Variants in PPP6R2 observed in about 807,000 individuals in gnomAD.
PPP6R2 encodes the protein serine/threonine-protein phosphatase 6 regulatory subunit 2.
A neutral mutation model predicts 100.2 loss-of-function variants in PPP6R2; 62 were observed. The observed-to-expected ratio is 0.62, with a 90% CI of 0.50 to 0.76. The LOEUF is 0.76. Ranked by LOEUF, PPP6R2 falls within the 30% of genes least tolerant of loss-of-function variation. PPP6R2 has a pLI of 0.00. For synonymous variants in PPP6R2, 525 were observed against 514.7 expected (o/e 1.02, Z -0.27); for missense variants, 1,142 against 1,276.3 (o/e 0.89, Z 1.60).
chr22:50,419,262 G>A (rs564299798), intron 7 of PPP6R2, 87 bp from the exon 8 acceptor site: 6 of 1,183,100 alleles, frequency 5.1e-6, no homozygotes, highest in Middle Eastern at 1.9e-4. Flanking sequence ...TTTTGCTGGG[G>A]TCCTCCACGG....
At chr22:50,422,414 G>A (rs376846744) in intron 9 of PPP6R2, 34 bp downstream of exon 9, 25 of 1,610,322 alleles carry the variant, frequency 1.6e-5, no homozygotes, top group Non-Finnish European at 2.0e-5. Flanking sequence ...AGTGCCTTTG[G>A]AGGCGTCGCA....
At position 50,439,774 on chromosome 22, in the gene PPP6R2, G is replaced by C; in HGVS notation, c.2202G>C (p.Val734=). The C allele has an allele frequency of 6.2e-7, 1 of 1,613,788 alleles. No individual in the cohort carries two copies. Among genetic ancestry groups the C allele is most frequent in the Non-Finnish European group, 8.5e-7 (1 of 1,179,932 alleles). The change falls in exon 20 of 24, where the codon GTG becomes GTC. Residue 734 remains valine, a synonymous_variant. Coordinates refer to ENST00000612753, the MANE Select transcript of PPP6R2 (RefSeq NM_001242898.2). ...CAGCCCCAGGAGTGGTGAGGGACGT[G>C]GGTTCCAGTGTGTGGGCAGCTGGCA... The part of the protein sequence containing the change: ...TPTAPGVVRD[V]GSSVWAAGTS...
chr22:50,387,686 C>T (rs1217698473), intron 2 of PPP6R2, among the ~76,000 whole-genome samples: 6 of 152,170 alleles, frequency 3.9e-5, no homozygotes, highest in African/African-American at 1.4e-4. Flanking sequence ...ACTCCCACCA[C>T]GTTGGAGTTG....
intron 7 of PPP6R2, among the ~76,000 whole-genome samples, 179 bp downstream of exon 7, chr22:50,419,158 A>G (rs1340755621): frequency 1.3e-5 from 2 of 152,330 alleles, no homozygotes; most frequent in South Asian, 4.1e-4. Context: ...GGGTCTCCAG[A>G]GGAGTCACCT....
At chr22:50,413,282 A>T (rs2060031183) in intron 4 of PPP6R2, among the ~76,000 whole-genome samples, 1 of 152,124 alleles carries the variant, frequency 6.6e-6, no homozygotes. Flanking sequence ...TTTTTTTTCA[A>T]GGAAATTTCT....
At chr22:50,442,376 C>A (rs1306402339) in intron 22 of PPP6R2, among the ~76,000 whole-genome samples, 2 of 152,216 alleles carry the variant, frequency 1.3e-5, no homozygotes, top group Admixed American at 1.3e-4. Flanking sequence ...CCTTGTTTGG[C>A]CACCCTGTCT....
intron 1 of PPP6R2, among the ~76,000 whole-genome samples, chr22:50,351,795 A>G (rs1281486160): frequency 1.3e-5 from 2 of 150,106 alleles, no homozygotes; most frequent in Non-Finnish European, 3.0e-5. Flanking sequence ...CGCCATACCC[A>G]GCTAATTTTT....
chr22:50,354,987 G>GT, intron 1 of PPP6R2, among the ~76,000 whole-genome samples: 1 of 151,180 alleles, frequency 6.6e-6, no homozygotes, highest in South Asian at 2.1e-4. Flanking sequence ...GAGACTACAG[G>GT]TGCCTGCCAC....
the PPP6R2 span, among the ~76,000 whole-genome samples, chr22:50,337,939 TGTGTGTGTGATGTGTGTGGTGTGTGTGG>T: frequency 4.1e-5 from 5 of 122,000 alleles, no homozygotes; most frequent in African/African-American, 1.6e-4. Flanking sequence ...GGTGTGTGCA[TGTGTGTGTGATGTGTGTGGTGTGTGTGG>T]GTGTGTGTGC....
chr22:50,409,057 T>G (rs898060852), intron 4 of PPP6R2, among the ~76,000 whole-genome samples: 2 of 152,184 alleles, frequency 1.3e-5, no homozygotes, highest in African/African-American at 4.8e-5. Context: ...GAGGTTGCAG[T>G]GAGCTGAGAT....
At chr22:50,362,240 T>G (rs981224528) in intron 1 of PPP6R2, among the ~76,000 whole-genome samples, 2 of 152,194 alleles carry the variant, frequency 1.3e-5, no homozygotes, top group African/African-American at 4.8e-5. Context: ...TTGCTAGTGT[T>G]GAGCAGATGG....
chr22:50,341,222 T>C (rs1158409327), upstream of PPP6R2, among the ~76,000 whole-genome samples: 8 of 150,302 alleles, frequency 5.3e-5, no homozygotes, highest in East Asian at 1.4e-3. Flanking sequence ...CTTTATTTTT[T>C]TGAGACATGG....
chr22:50,352,468 C>A lies in PPP6R2; in HGVS notation c.-148+8918C>A, dbSNP rs2045520536. 5.3e-5 allele frequency among the ~76,000 whole-genome samples: 8 copies of A among 152,034 alleles called. No individual in the cohort carries two copies. The South Asian group carries it at 1.7e-3, about 32-fold the overall frequency. ...GCAGGCATTGGGTGCGGTGTCTGAC[C>A]CCTGTAATCCCAGCACTTTGTGAGG... is the stretch of plus-strand genomic sequence containing the variant. On this transcript the variant is annotated intron_variant, in intron 1 of 23. Transcript: ENST00000612753.
At chr22:50,438,418 C>T in intron 18 of PPP6R2, 120 bp downstream of exon 18, 1 of 1,495,378 alleles carries the variant, frequency 6.7e-7, no homozygotes, top group Non-Finnish European at 9.0e-7. Context: ...GTCCTGCCAG[C>T]TCTGGGGCCC....
chr22:50,405,759 AAGGCCTGGAGAGAGGTGAG>A (rs2058795400), intron 3 of PPP6R2, among the ~76,000 whole-genome samples: 3 of 105,388 alleles, frequency 2.8e-5, no homozygotes, highest in African/African-American at 7.6e-5. Context: ...GGTGAGTGTG[AAGGCCTGGAGAGAGGTGAG>A]AGGCCTGGAG....
chr22:50,361,555 G>C (rs921551385), intron 1 of PPP6R2, among the ~76,000 whole-genome samples: 1 of 151,980 alleles, frequency 6.6e-6, no homozygotes, highest in Non-Finnish European at 1.5e-5. Flanking sequence ...CACTGCCCCA[G>C]TTTCCTCCCT....
chr22:50,403,245 G>A lies in PPP6R2; in HGVS notation c.228-3444G>A, dbSNP rs2058331889. On this transcript the variant is annotated intron_variant, in intron 3 of 23. Transcript: ENST00000612753. ...ATCAGTTTGTTCCCTGTGGTATTGA[G>A]ACACTTCTTCAAGGAATGATTTGGA... 2.0e-5 allele frequency among the ~76,000 whole-genome samples: 3 copies of A among 152,140 alleles called. No homozygotes were observed. The South Asian group carries it at 6.2e-4, about 32-fold the overall frequency.
chr22:50,414,349 C>A (rs1047629171), intron 4 of PPP6R2, among the ~76,000 whole-genome samples: 2 of 75,710 alleles, frequency 2.6e-5, no homozygotes, highest in Admixed American at 2.0e-4. Flanking sequence ...CCCCCCCCCC[C>A]CGCCCAGACC....
chr22:50,347,229 A>C (rs778110453), intron 1 of PPP6R2, among the ~76,000 whole-genome samples: 1 of 151,290 alleles, frequency 6.6e-6, no homozygotes, highest in African/African-American at 2.4e-5. Flanking sequence ...TTAGGGACCC[A>C]TTAGTACCCT....
Sources: gnomAD v4.1 joint callset for allele counts (sites outside exome capture counted in the v4.1 genomes callset) on GRCh38, gnomAD v4.1.1 for gene constraint, MANE v1.5 for transcripts, NCBI Gene and HGNC (gene_info 2026-07-23, HGNC 2026-07-21) for gene names.